Variants in RIMS2 observed in about 807,000 individuals in gnomAD.
RIMS2 encodes the protein regulating synaptic membrane exocytosis protein 2.
In RIMS2, 59 loss-of-function variants were observed where a neutral mutation model predicts 174.4. The ratio of observed to expected loss-of-function variants is 0.34; its 90% CI spans 0.27 to 0.42. RIMS2 has a LOEUF of 0.42. RIMS2 is among the 10% of genes least tolerant of loss of function. RIMS2 has a pLI of 1.00. For synonymous variants in RIMS2, 606 were observed against 572.5 expected, an observed-to-expected ratio of 1.06 and a Z score of -0.84; for missense variants, 1,620 against 1,666.3, an observed-to-expected ratio of 0.97 and a Z score of 0.48.
At chr8:103,660,995 C>T (rs1036171801) in intron 1 of RIMS2, among the ~76,000 whole-genome samples, 5 of 152,238 alleles carry the variant, frequency 3.3e-5, no homozygotes, top group African/African-American at 7.2e-5. Flanking sequence ...AGGATTTCCT[C>T]ATGCTCCCTT....
rs548113058 is a variant in RIMS2 at position 104,159,110 on chromosome 8, A to G, written c.3335-85806A>G. Among the ~76,000 whole-genome samples the G allele has an allele frequency of 8.3e-4, 126 of 152,298 alleles. 5 individuals are homozygous for G. The South Asian group carries it at 0.025, about 31-fold the overall frequency. ...GAGGGATCCAGTTTCAGCTTTCTAC[A>G]TATGGCTAGCCAGTTTTCCCAGCAC... is the stretch of plus-strand genomic sequence containing the variant. On this transcript the variant is annotated intron_variant, in intron 19 of 23. Coordinates refer to ENST00000504942, the Ensembl canonical transcript of RIMS2.
At chr8:104,236,969 G>T (rs1238204436) in intron 19 of RIMS2, among the ~76,000 whole-genome samples, 1 of 152,076 alleles carries the variant, frequency 6.6e-6, no homozygotes, top group Non-Finnish European at 1.5e-5. Context: ...GGATGTGGGG[G>T]TGCTAGAATT....
At chr8:103,765,229 A>G (rs1226467681) in intron 2 of RIMS2, among the ~76,000 whole-genome samples, 1 of 152,190 alleles carries the variant, frequency 6.6e-6, no homozygotes, top group South Asian at 2.1e-4. Context: ...GGCTTTTTAA[A>G]TGATTAATTG....
In RIMS2 at chr8:103,570,695, T is replaced by C. The variant is rs147780316; in HGVS notation, c.176+69633T>C. Among the ~76,000 whole-genome samples the C allele has an allele frequency of 3.4e-4, 52 of 152,306 alleles. No individual in the cohort carries two copies. The East Asian group carries it at 8.7e-3, about 25-fold the overall frequency. On this transcript the variant is annotated intron_variant, in intron 1 of 23. Coordinates refer to ENST00000504942, the Ensembl canonical transcript of RIMS2. ...AAATTAATTATTGAATTAATGTTTC[T>C]ACCTGCAAATCTTAAAGATAGCTTG...
chr8:103,625,877 GACAT>G (rs1482402062), intron 1 of RIMS2, among the ~76,000 whole-genome samples: 1 of 151,390 alleles, frequency 6.6e-6, no homozygotes, highest in Non-Finnish European at 1.5e-5. Flanking sequence ...ATAAAATGTA[GACAT>G]ACATTTATTA....
rs567068247 is a variant in RIMS2, at chr8:103,593,777, CTT to C, written c.176+92716_176+92717del. On this transcript the variant is annotated intron_variant, in intron 1 of 23. Transcript: ENST00000504942. ...AATATAAACAATACATAACAGATAACTTATGTTAGCATGCAATGGATTTATTA... is the reference window on the plus strand; with the variant it reads ...AATATAAACAATACATAACAGATAACATGTTAGCATGCAATGGATTTATTA... Among the ~76,000 whole-genome samples the C allele has an allele frequency of 4.3e-3, 649 of 150,924 alleles. 4 individuals carry two copies. The highest frequency in any genetic ancestry group is 0.015 in the African/African-American group (609 of 41,326).
chr8:103,627,604 T>C (rs967017800), intron 1 of RIMS2, among the ~76,000 whole-genome samples: 10 of 152,220 alleles, frequency 6.6e-5, no homozygotes, highest in African/African-American at 2.2e-4. Context: ...CTGATAAATG[T>C]CCATGAAATC....
intron 1 of RIMS2, among the ~76,000 whole-genome samples, chr8:103,551,008 C>T (rs370859555): frequency 1.3e-5 from 2 of 152,278 alleles, no homozygotes; most frequent in East Asian, 1.9e-4. Flanking sequence ...CAGCCGAATT[C>T]TACCAGAGGT....
downstream of RIMS2, chr8:104,253,297 A>C (rs1320981445): frequency 6.6e-6 from 1 of 152,148 alleles, no homozygotes; most frequent in Non-Finnish European, 1.5e-5. Context: ...CATTTAAAGC[A>C]ATTTCTTTAG....
At chr8:103,981,661 T>C (rs2093914388) in intron 16 of RIMS2, among the ~76,000 whole-genome samples, 2 of 152,114 alleles carry the variant, frequency 1.3e-5, no homozygotes, top group Non-Finnish European at 2.9e-5. Flanking sequence ...GAATTCCAAA[T>C]TTTTTGATAA....
At chr8:103,652,891 T>C (rs2096477288) in intron 1 of RIMS2, among the ~76,000 whole-genome samples, 181 bp downstream of exon 3, 2 of 151,958 alleles carry the variant, frequency 1.3e-5, no homozygotes, top group Admixed American at 6.6e-5. Context: ...ATTAATAGGG[T>C]AGTAAAAAAG....
intron 3 of RIMS2, among the ~76,000 whole-genome samples, chr8:103,805,148 T>G (rs1454543822): frequency 6.6e-6 from 1 of 152,164 alleles, no homozygotes; most frequent in Non-Finnish European, 1.5e-5. Flanking sequence ...TTTCTGTATG[T>G]GTAATACTTA....
intron 1 of RIMS2, among the ~76,000 whole-genome samples, chr8:103,611,755 T>C (rs1213061124): frequency 6.6e-6 from 1 of 152,112 alleles, no homozygotes; most frequent in Non-Finnish European, 1.5e-5. Flanking sequence ...TGACATCGTC[T>C]TCTTTGGGTT....
At chr8:104,145,797 G>A (rs1200728991) in intron 19 of RIMS2, among the ~76,000 whole-genome samples, 1 of 151,890 alleles carries the variant, frequency 6.6e-6, no homozygotes, top group East Asian at 1.9e-4. Flanking sequence ...CGGGAGGAGA[G>A]ATTGCGGTGA....
At chr8:103,794,403 C>CAT (rs1935550883) in intron 3 of RIMS2, among the ~76,000 whole-genome samples, 1 of 152,068 alleles carries the variant, frequency 6.6e-6, no homozygotes, top group African/African-American at 2.4e-5. Flanking sequence ...AAACTGGATC[C>CAT]CTTCCTTACA....
chr8:103,696,120 CTGT>C (rs2097097951), intron 1 of RIMS2, among the ~76,000 whole-genome samples: 1 of 152,046 alleles, frequency 6.6e-6, no homozygotes, highest in South Asian at 2.1e-4. Flanking sequence ...CTTGGATGCA[CTGT>C]TGTTTTATAT....
intron 3 of RIMS2, among the ~76,000 whole-genome samples, chr8:103,818,071 C>T (rs1407336663): frequency 6.6e-6 from 1 of 151,826 alleles, no homozygotes; most frequent in Non-Finnish European, 1.5e-5. Context: ...CATAATTGAA[C>T]ATCTTATTTT....
intron 3 of RIMS2, among the ~76,000 whole-genome samples, chr8:103,804,105 CA>C (rs1216816754): frequency 6.6e-6 from 1 of 151,856 alleles, no homozygotes; most frequent in Non-Finnish European, 1.5e-5. Context: ...CAGCATATTT[CA>C]AAAAAAGTAA....
intron 17 of RIMS2, among the ~76,000 whole-genome samples, chr8:104,000,912 T>C (rs2095357480): frequency 6.6e-6 from 1 of 151,884 alleles, no homozygotes; most frequent in Non-Finnish European, 1.5e-5. Context: ...CAGATTATTA[T>C]TGTTATTTTG....
Sources: gnomAD v4.1 joint callset for allele counts (sites outside exome capture counted in the v4.1 genomes callset) on GRCh38, gnomAD v4.1.1 for gene constraint, MANE v1.5 for transcripts, NCBI Gene and HGNC (gene_info 2026-07-23, HGNC 2026-07-21) for gene names.